FGGY: variants seen among roughly 807,000 people sequenced by gnomAD.
FGGY encodes FGGY carbohydrate kinase domain-containing protein.
A neutral mutation model predicts 71.3 loss-of-function variants in FGGY; 72 were observed. The ratio of observed to expected loss-of-function variants is 1.01; its 90% CI spans 0.84 to 1.23. The LOEUF (loss-of-function observed/expected upper bound fraction) is 1.23, where lower values mean the gene tolerates loss of function less well. Among genes scored for constraint, FGGY ranks in the 50% most tolerant of loss-of-function variants. The pLI is 0.00. For missense variants in FGGY, 668 were observed against 682.3 expected (o/e 0.98, Z 0.23); for synonymous variants, 251 against 250.3 (o/e 1.00, Z -0.02).
chr1:59,635,932 C>T (rs1053415772), intron 10 of FGGY, among the ~76,000 whole-genome samples: 9 of 152,164 alleles, frequency 5.9e-5, no homozygotes, highest in Non-Finnish European at 1.2e-4. Flanking sequence ...TGGACTCAGA[C>T]CTGTCTCTTC....
Position 59,537,369 on chromosome 1 carries a change from C to T in FGGY, c.800-16755C>T, listed in dbSNP as rs557086797. ...AAGAGGACACAAACAAATGGAAGAA[C>T]ATTCCATGCTCGTGGATAGGAAGAA... On this transcript the variant is annotated intron_variant, in intron 7 of 15. Transcript: ENST00000303721. 1.9e-3 allele frequency among the ~76,000 whole-genome samples: 283 copies of T among 152,276 alleles called. 2 individuals carry two copies. Among genetic ancestry groups the T allele is most frequent in the Non-Finnish European group, 2.1e-3 (144 of 68,018 alleles).
intron 2 of FGGY, among the ~76,000 whole-genome samples, chr1:59,333,030 A>G (rs1430310177): frequency 6.6e-6 from 1 of 152,198 alleles, no homozygotes; most frequent in Admixed American, 6.5e-5. Context: ...GGTATCTCTC[A>G]CTCAGGAAAC....
At chr1:59,678,296 C>T (rs1208006108) in intron 14 of FGGY, among the ~76,000 whole-genome samples, 1 of 152,122 alleles carries the variant, frequency 6.6e-6, no homozygotes, top group Non-Finnish European at 1.5e-5. Flanking sequence ...CCTCTGTGAC[C>T]TTTCTACTTG....
intron 6 of FGGY, among the ~76,000 whole-genome samples, chr1:59,497,204 G>C (rs1375316049): frequency 6.6e-6 from 1 of 152,194 alleles, no homozygotes; most frequent in African/African-American, 2.4e-5. Context: ...ATCATCCTTG[G>C]AAAATAGATT....
At chr1:59,299,127 T>C (rs1276464213) in intron 1 of FGGY, among the ~76,000 whole-genome samples, 1 of 152,186 alleles carries the variant, frequency 6.6e-6, no homozygotes, top group African/African-American at 2.4e-5. Flanking sequence ...TGGGGAGGAC[T>C]TCCCAGAAGG....
At chr1:59,642,892 G>A (rs552557477) in intron 11 of FGGY, among the ~76,000 whole-genome samples, 4 of 151,576 alleles carry the variant, frequency 2.6e-5, no homozygotes, top group East Asian at 2.0e-4. Flanking sequence ...AAAATTAGCC[G>A]GGCATGGTGG....
chr1:59,611,661 C>T (rs866236304), intron 9 of FGGY, among the ~76,000 whole-genome samples: 3 of 152,134 alleles, frequency 2.0e-5, no homozygotes, highest in Admixed American at 6.5e-5. Context: ...ATGACTTTGA[C>T]GAGTTGAGAG....
At chr1:59,670,420 A>G (rs2097367281) in intron 13 of FGGY, among the ~76,000 whole-genome samples, 1 of 152,254 alleles carries the variant, frequency 6.6e-6, no homozygotes, top group Admixed American at 6.5e-5. Flanking sequence ...GCATGTGAAA[A>G]ACACATTCGA....
At chr1:59,334,241 G>A (rs1243959416) in intron 2 of FGGY, among the ~76,000 whole-genome samples, 1 of 152,020 alleles carries the variant, frequency 6.6e-6, no homozygotes, top group African/African-American at 2.4e-5. Flanking sequence ...CTCCTGGGTT[G>A]AAGCAGTTCT....
At chr1:59,725,600 G>C (rs879145032) in intron 14 of FGGY, among the ~76,000 whole-genome samples, 54 of 151,712 alleles carry the variant, frequency 3.6e-4, no homozygotes, top group Admixed American at 7.9e-4. Flanking sequence ...TTATACCTAA[G>C]TGTTTTTGTG....
At chr1:59,561,532 A>G (rs2095793293) in intron 8 of FGGY, among the ~76,000 whole-genome samples, 1 of 152,172 alleles carries the variant, frequency 6.6e-6, no homozygotes, top group African/African-American at 2.4e-5. Context: ...TATGTTTAAT[A>G]TCTCTGAACC....
At chr1:59,492,356 A>T (rs1023711556) in intron 6 of FGGY, among the ~76,000 whole-genome samples, 2 of 151,778 alleles carry the variant, frequency 1.3e-5, no homozygotes, top group Non-Finnish European at 2.9e-5. Context: ...ATGACTGGGA[A>T]CTCTATACAT....
chr1:59,380,177 T>G (rs2059230294), intron 5 of FGGY, among the ~76,000 whole-genome samples: 1 of 151,602 alleles, frequency 6.6e-6, no homozygotes, highest in African/African-American at 2.4e-5. Flanking sequence ...TGCCACATTT[T>G]CTTAATCCAG....
chr1:59,399,830 G>A (rs1370892534), intron 5 of FGGY, among the ~76,000 whole-genome samples: 1 of 152,170 alleles, frequency 6.6e-6, no homozygotes, highest in Non-Finnish European at 1.5e-5. Flanking sequence ...ATACACTCAG[G>A]TATTGATGTG....
At chr1:59,660,805 T>C (rs1235484466) in intron 12 of FGGY, among the ~76,000 whole-genome samples, 1 of 152,218 alleles carries the variant, frequency 6.6e-6, no homozygotes, top group Non-Finnish European at 1.5e-5. Context: ...GTTAGGAGTT[T>C]CTACACTAAA....
At chr1:59,351,756 T>C (rs115549883) in intron 4 of FGGY, among the ~76,000 whole-genome samples, 3,720 of 152,234 alleles carry the variant, frequency 0.024, 176 homozygotes, top group African/African-American at 0.086. Flanking sequence ...ATAATATCAA[T>C]AGAACATTGA....
intron 13 of FGGY, 151 bp downstream of exon 13, chr1:59,667,554 G>A: frequency 6.9e-6 from 7 of 1,010,286 alleles, no homozygotes; most frequent in Non-Finnish European, 1.0e-5. Flanking sequence ...AATGGAGAAA[G>A]TGACTTCTAT....
Position 59,392,972 on chromosome 1 carries a change from T to C in FGGY, c.554+14135T>C, listed in dbSNP as rs191646392. ...TCTCATTATTGCCCAGATATTATTCTTTTCAAAAGCGGAGCACTCTTGCCA... is the reference window on the plus strand; with the variant it reads ...TCTCATTATTGCCCAGATATTATTCCTTTCAAAAGCGGAGCACTCTTGCCA... On this transcript the variant is annotated intron_variant, in intron 5 of 15. Coordinates refer to ENST00000303721, the MANE Select transcript of FGGY (RefSeq NM_018291.5). Among the ~76,000 whole-genome samples the C allele has an allele frequency of 1.2e-4, 19 of 152,346 alleles. No homozygotes were observed. In the East Asian group the frequency reaches 3.7e-3, roughly 29 times the overall value.
intron 5 of FGGY, among the ~76,000 whole-genome samples, chr1:59,453,000 C>T (rs560693416): frequency 2.0e-4 from 30 of 152,284 alleles, no homozygotes; most frequent in South Asian, 4.1e-4. Flanking sequence ...AGAAGACTCC[C>T]GGAGGGGTAA....
Sources: allele counts gnomAD v4.1 joint callset (sites outside exome capture counted in the v4.1 genomes callset), GRCh38; gene constraint gnomAD v4.1.1; transcripts MANE v1.5; gene names NCBI Gene and HGNC (gene_info 2026-07-23, HGNC 2026-07-21).